PPRC1: variants seen among roughly 807,000 people sequenced by gnomAD.
PPRC1 encodes the protein PPARG related coactivator 1.
A neutral mutation model predicts 132.5 loss-of-function variants in PPRC1; 23 were observed. The ratio of observed to expected loss-of-function variants is 0.17; its 90% confidence interval spans 0.12 to 0.25. The LOEUF (loss-of-function observed/expected upper bound fraction) is 0.25, where lower values mean the gene tolerates loss of function less well. Among genes scored for constraint, PPRC1 ranks in the 10% least tolerant of loss-of-function variants. The probability of loss-of-function intolerance (pLI) is 1.00; values close to 1 mark genes in which losing one functional copy is unlikely to be tolerated. For synonymous variants in PPRC1, 872 were observed against 833.5 expected, an observed-to-expected ratio of 1.05 and a Z score of -0.80; for missense variants, 2,006 against 2,089.1, an observed-to-expected ratio of 0.96 and a Z score of 0.78.
chr10:102,140,462 A>T lies in PPRC1; in HGVS notation c.1954A>T (p.Asn652Tyr). Residue 652 changes from asparagine to tyrosine, a missense_variant, in exon 5 of 14, where the codon AAC (asparagine) becomes TAC (tyrosine). Asn to Tyr is a moderately radical substitution (Grantham distance 143). This residue lies in a region of PPRC1 where 1,914 missense variants were observed against 1,917.2 expected (regional missense o/e 1.00). Transcript: ENST00000278070. ...VDPAVVPISD[N>Y]LPPVDAVPSG... ...CCCTGCAGTGGTTCCCATCTCAGAT[A>T]ACTTGCCACCAGTTGATGCTGTCCC... The T allele has an allele frequency of 6.2e-7, 1 of 1,614,154 alleles. No homozygotes were observed. Among genetic ancestry groups the T allele is most frequent in the Non-Finnish European group, 8.5e-7 (1 of 1,180,024 alleles).
intron 7 of PPRC1, 175 bp downstream of exon 7, chr10:102,144,482 G>A: frequency 1.6e-6 from 1 of 643,534 alleles, no homozygotes; most frequent in Non-Finnish European, 2.7e-6. Context: ...GTCTTGGGTG[G>A]TGAGGTGAGA....
At chr10:102,147,700 T>C (rs1023296929) in intron 9 of PPRC1, among the ~76,000 whole-genome samples, 3 of 152,176 alleles carry the variant, frequency 2.0e-5, no homozygotes, top group Admixed American at 6.5e-5. Flanking sequence ...TCAGCCTTCA[T>C]TTTTGGTATT....
chr10:102,134,023 T>G (rs530709955), intron 1 of PPRC1, among the ~76,000 whole-genome samples: 74 of 151,950 alleles, frequency 4.9e-4, no homozygotes, highest in Middle Eastern at 6.8e-3. Context: ...TGAAGGGTTG[T>G]GGAGGAGTGA....
rs1228081662 is a variant in PPRC1 at position 102,149,294 on chromosome 10, G to A, written c.4856G>A (p.Arg1619Gln). Reference protein sequence around the residue: ...EQPFDLCFGGRRQFCKRSYSD... With the variant: ...EQPFDLCFGGQRQFCKRSYSD... Reference sequence around the variant, plus strand: ...CCCTTTGATCTCTGCTTTGGGGGCCGAAGGCAGTTCTGCAAGAGGAGCTAT... The same window carrying A: ...CCCTTTGATCTCTGCTTTGGGGGCCAAAGGCAGTTCTGCAAGAGGAGCTAT... Residue 1619 changes from arginine (R) to glutamine (Q), a missense_variant, in exon 13 of 14, where the codon CGA (arginine) becomes CAA (glutamine). Coordinates refer to ENST00000278070, the MANE Select transcript of PPRC1 (RefSeq NM_015062.5). 1.2e-6 allele frequency: 2 copies of A among 1,607,652 alleles called. No homozygotes were observed. The highest frequency in any genetic ancestry group is 1.1e-5 in the South Asian group (1 of 90,358).
chr10:102,126,304 T>G, the PPRC1 span, among the ~76,000 whole-genome samples: 9 of 151,482 alleles, frequency 5.9e-5, no homozygotes, highest in African/African-American at 2.2e-4. Context: ...ATTGCACTAT[T>G]GTACTTTAGC....
intron 1 of PPRC1, among the ~76,000 whole-genome samples, chr10:102,135,833 C>T (rs1332107721): frequency 1.3e-5 from 2 of 152,184 alleles, no homozygotes; most frequent in African/African-American, 4.8e-5. Flanking sequence ...TGGGTGAAAG[C>T]TACTTGGGAG....
At chr10:102,130,569 C>T (rs562699687), upstream of PPRC1, among the ~76,000 whole-genome samples, 2 of 151,814 alleles carry the variant, frequency 1.3e-5, no homozygotes, top group African/African-American at 2.4e-5. Flanking sequence ...AACCCCCTCT[C>T]TACTAAAAAT....
At position 102,147,370 on chromosome 10, in the gene PPRC1, C is replaced by G; in HGVS notation, c.4378C>G (p.Pro1460Ala). 6.2e-7 allele frequency: 1 copy of G among 1,606,356 alleles called. No individual in the cohort carries two copies. Among genetic ancestry groups the G allele is most frequent in the South Asian group, 1.1e-5 (1 of 91,048 alleles). ...SSRSRSRSLSPPHKRWRRSSC... is the reference protein window; with the variant it reads ...SSRSRSRSLSAPHKRWRRSSC... ...CCGATCTCGGTCCAGGTCCCTCTCC[C>G]CCCCACACAAGAGGTGGCGAAGGTG... Residue 1460 changes from proline to alanine, a missense_variant, in exon 9 of 14, where the codon CCC (proline) becomes GCC (alanine). By Grantham distance (27) the Pro-to-Ala change is conservative. This residue lies in a region of PPRC1 where 1,914 missense variants were observed against 1,917.2 expected (regional missense o/e 1.00). Coordinates refer to ENST00000278070, the MANE Select transcript of PPRC1 (RefSeq NM_015062.5).
At chr10:102,130,790 C>T (rs2068528504), upstream of PPRC1, among the ~76,000 whole-genome samples, 1 of 152,134 alleles carries the variant, frequency 6.6e-6, no homozygotes, top group South Asian at 2.1e-4. Flanking sequence ...CACTGGCTGA[C>T]ACCTGTAATC....
At chr10:102,123,046 T>A in the PPRC1 span, among the ~76,000 whole-genome samples, 1 of 152,202 alleles carries the variant, frequency 6.6e-6, no homozygotes, top group East Asian at 1.9e-4. Flanking sequence ...TAGCTTCACC[T>A]TCTCTGGGAA....
Position 102,139,457 on chromosome 10 carries a change from C to G in PPRC1, c.949C>G (p.Leu317Val), listed in dbSNP as rs1365636602. 1 of 1,614,044 alleles carries G rather than the reference C, an allele frequency of 6.2e-7. No individual in the cohort carries two copies. The highest frequency in any genetic ancestry group is 1.7e-5 in the Admixed American group (1 of 60,014). The change falls in exon 5 of 14, where the codon CTG (leucine) becomes GTG (valine). Residue 317 changes from leucine (L) to valine (V), a missense_variant. Leu to Val is a conservative substitution (Grantham distance 32). Coordinates refer to ENST00000278070, the MANE Select transcript of PPRC1 (RefSeq NM_015062.5). Reference protein sequence around the residue: ...ELVRAMHPYCLPNLTHLASLE... With the variant: ...ELVRAMHPYCVPNLTHLASLE... ...GGTGCGGGCCATGCACCCATACTGC[C>G]TGCCCAACCTCACCCACCTGGCATC... is the stretch of plus-strand genomic sequence containing the variant.
the PPRC1 span, among the ~76,000 whole-genome samples, chr10:102,126,912 C>T: frequency 6.6e-6 from 1 of 151,462 alleles, no homozygotes; most frequent in Non-Finnish European, 1.5e-5. Context: ...AAAGCAGTTT[C>T]TCAAAGTATG....
At chr10:102,146,356 A>G (rs2069244957) in intron 8 of PPRC1, among the ~76,000 whole-genome samples, 1 of 152,190 alleles carries the variant, frequency 6.6e-6, no homozygotes, top group South Asian at 2.1e-4. Flanking sequence ...GATGCAGCCT[A>G]GAAGTCAGGC....
Position 102,139,335 on chromosome 10 carries a change from T to C in PPRC1, c.827T>C (p.Met276Thr), listed in dbSNP as rs1182773111. Reference protein sequence around the residue: ...NCVSSIPDFPMHLACPEEEDK... With the variant: ...NCVSSIPDFPTHLACPEEEDK... The stretch of plus-strand genomic sequence containing the variant: ...GTGAGCAGTATCCCGGACTTCCCCA[T>C]GCATTTGGCCTGCCCTGAGGAGGAA... Residue 276 changes from methionine (M) to threonine (T), a missense_variant, in exon 5 of 14, where the codon ATG (methionine) becomes ACG (threonine). Physicochemically the swap from Met to Thr is moderately conservative, Grantham distance 81 (BLOSUM62 -1). Around this residue, in one of 2 missense-constraint regions of PPRC1, gnomAD observed 1,914 missense variants for 1,917.2 expected, o/e 1.00. Coordinates refer to ENST00000278070, the MANE Select transcript of PPRC1 (RefSeq NM_015062.5). The C allele has an allele frequency of 6.2e-7, 1 of 1,614,156 alleles. No homozygotes were observed. Among genetic ancestry groups the C allele is most frequent in the Non-Finnish European group, 8.5e-7 (1 of 1,180,008 alleles).
the PPRC1 span, chr10:102,120,036 G>A: frequency 1.5e-6 from 2 of 1,373,750 alleles, no homozygotes; most frequent in South Asian, 1.4e-5. Flanking sequence ...TGAGGGGTCC[G>A]CAGGGACGGC....
At chr10:102,120,794 A>G in the PPRC1 span, among the ~76,000 whole-genome samples, 3 of 151,842 alleles carry the variant, frequency 2.0e-5, no homozygotes, top group Non-Finnish European at 2.9e-5. Context: ...GCTGAGCCGG[A>G]GCGGGAGCCG....
intron 9 of PPRC1, 78 bp downstream of exon 9, chr10:102,147,470 C>G: frequency 6.8e-7 from 1 of 1,468,446 alleles, no homozygotes; most frequent in Non-Finnish European, 9.1e-7. Context: ...AAAGCTTTTA[C>G]CCGTTGACTT....
Position 102,141,719 on chromosome 10 carries a change from T to C in PPRC1, c.3211T>C (p.Ser1071Pro), listed in dbSNP as rs953777016. ...PASPHPKHKV[S>P]ALVQSPQMKA... ...ATCTCCCCATCCGAAACACAAGGTGTCTGCCCTGGTGCAAAGTCCCCAGAT... is the reference window on the plus strand; with the variant it reads ...ATCTCCCCATCCGAAACACAAGGTGCCTGCCCTGGTGCAAAGTCCCCAGAT... Residue 1071 changes from serine (S) to proline (P), a missense_variant, in exon 5 of 14, where the codon TCT becomes CCT. By Grantham distance (74) the Ser-to-Pro change is moderately conservative (BLOSUM62 -1). Around this residue, in one of 2 missense-constraint regions of PPRC1, gnomAD observed 1,914 missense variants for 1,917.2 expected, o/e 1.00. Coordinates refer to ENST00000278070, the MANE Select transcript of PPRC1 (RefSeq NM_015062.5). 1 of 1,613,874 alleles carries C rather than the reference T, an allele frequency of 6.2e-7. No homozygotes were observed. The highest frequency in any genetic ancestry group is 1.3e-5 in the African/African-American group (1 of 74,918).
upstream of PPRC1, among the ~76,000 whole-genome samples, chr10:102,129,300 C>G (rs1353695447): frequency 1.3e-5 from 2 of 152,134 alleles, no homozygotes; most frequent in African/African-American, 2.4e-5. Context: ...CAGAAAAGGA[C>G]AAACGATTGG....
Sources: allele counts gnomAD v4.1 joint callset (sites outside exome capture counted in the v4.1 genomes callset), GRCh38; gene constraint gnomAD v4.1.1; regional missense constraint gnomAD v4.1.1; transcripts MANE v1.5; gene names NCBI Gene and HGNC (gene_info 2026-07-23, HGNC 2026-07-21).